The following CSMD1 variants were observed in gnomAD, a reference collection of about 807,000 sequenced individuals.
CSMD1 encodes CUB and Sushi multiple domains 1, also known as CUB and sushi domain-containing protein 1.
A neutral mutation model predicts 417.5 loss-of-function variants in CSMD1; 213 were observed. The ratio of observed to expected loss-of-function variants is 0.51; its 90% CI spans 0.46 to 0.57. CSMD1 has a LOEUF of 0.57. Among genes scored for constraint, CSMD1 ranks in the 20% least tolerant of loss-of-function variants. CSMD1 has a pLI of 0.00. For synonymous variants in CSMD1, 2,862 were observed against 1,736.8 expected (o/e 1.65, Z -16.11); for missense variants, 6,923 against 4,529.7 (o/e 1.53, Z -15.17).
chr8:3,456,653 G>C (rs910470348), intron 12 of CSMD1, among the ~76,000 whole-genome samples: 6 of 152,128 alleles, frequency 3.9e-5, no homozygotes, highest in Admixed American at 6.5e-5. Context: ...TTCAGTATCA[G>C]AGGTGGCAAT....
intron 4 of CSMD1, among the ~76,000 whole-genome samples, chr8:4,017,487 G>C (rs1183439222): frequency 6.6e-6 from 1 of 151,948 alleles, no homozygotes; most frequent in Non-Finnish European, 1.5e-5. Flanking sequence ...TGTTTTTTTA[G>C]TAGAGACGGG....
chr8:4,016,714 T>C (rs1411478348), intron 4 of CSMD1, among the ~76,000 whole-genome samples: 3 of 152,218 alleles, frequency 2.0e-5, no homozygotes, highest in Non-Finnish European at 4.4e-5. Flanking sequence ...AGTAACATGT[T>C]AGGAAGACCC....
chr8:3,512,142 T>C (rs1488951797), intron 10 of CSMD1, among the ~76,000 whole-genome samples: 3 of 152,174 alleles, frequency 2.0e-5, no homozygotes, highest in African/African-American at 4.8e-5. Context: ...ACCACGCTCA[T>C]AGCACCAAAC....
At chr8:3,932,255 C>T (rs1024934888) in intron 5 of CSMD1, among the ~76,000 whole-genome samples, 14 of 150,358 alleles carry the variant, frequency 9.3e-5, no homozygotes, top group African/African-American at 3.2e-4. Context: ...GGAAAATCGA[C>T]GAAAGTAATA....
chr8:3,255,123 T>C (rs1800554748), intron 26 of CSMD1, among the ~76,000 whole-genome samples: 1 of 152,176 alleles, frequency 6.6e-6, no homozygotes, highest in Admixed American at 6.5e-5. Context: ...TCTTGGAGTT[T>C]GCGGAGGTCC....
intron 26 of CSMD1, among the ~76,000 whole-genome samples, chr8:3,238,039 A>C (rs1461865296): frequency 6.6e-6 from 1 of 151,938 alleles, no homozygotes; most frequent in East Asian, 1.9e-4. Flanking sequence ...TTGTGTGAGC[A>C]ATAAAGCTGT....
chr8:3,655,108 A>G (rs1798036979), intron 7 of CSMD1, among the ~76,000 whole-genome samples: 2 of 152,226 alleles, frequency 1.3e-5, no homozygotes, highest in Admixed American at 6.5e-5. Flanking sequence ...AAATATGAAA[A>G]TACACATTAA....
chr8:2,996,362 T>C (rs934955722), intron 54 of CSMD1, among the ~76,000 whole-genome samples: 1 of 152,226 alleles, frequency 6.6e-6, no homozygotes, highest in African/African-American at 2.4e-5. Flanking sequence ...ATCAGCTTCT[T>C]ATCAGGATAA....
intron 1 of CSMD1, among the ~76,000 whole-genome samples, chr8:4,750,592 G>C (rs1447566466): frequency 6.6e-6 from 1 of 151,956 alleles, no homozygotes; most frequent in Non-Finnish European, 1.5e-5. Flanking sequence ...ATTCTGAGTG[G>C]TTCGTGATCC....
At chr8:4,297,768 G>A (rs747033251) in intron 3 of CSMD1, among the ~76,000 whole-genome samples, 1 of 152,144 alleles carries the variant, frequency 6.6e-6, no homozygotes, top group Non-Finnish European at 1.5e-5. Context: ...CCAACATCCT[G>A]TGAGAGGTGA....
chr8:4,644,551 C>A (rs533692385), intron 1 of CSMD1, among the ~76,000 whole-genome samples: 1 of 152,214 alleles, frequency 6.6e-6, no homozygotes, highest in East Asian at 1.9e-4. Flanking sequence ...GGATTACAGG[C>A]ACGCGCCACC....
intron 5 of CSMD1, among the ~76,000 whole-genome samples, chr8:3,929,954 A>G (rs143254919): frequency 0.01 from 1,561 of 150,392 alleles, 98 homozygotes; most frequent in African/African-American, 0.036. Flanking sequence ...CATGTGAGAC[A>G]CTGTGCACAG....
intron 2 of CSMD1, among the ~76,000 whole-genome samples, chr8:4,590,300 C>CA (rs1204052575): frequency 1.3e-4 from 20 of 152,158 alleles, no homozygotes; most frequent in African/African-American, 4.6e-4. Flanking sequence ...GGGAAGCAGA[C>CA]ATGGACTACT....
intron 41 of CSMD1, among the ~76,000 whole-genome samples, chr8:3,135,239 A>G (rs988547271): frequency 3.3e-5 from 5 of 152,208 alleles, no homozygotes; most frequent in South Asian, 4.1e-4. Context: ...AAACCAACTA[A>G]TAATACTTCT....
chr8:3,982,027 C>T (rs1361540423), intron 5 of CSMD1, among the ~76,000 whole-genome samples: 1 of 151,904 alleles, frequency 6.6e-6, no homozygotes, highest in Non-Finnish European at 1.5e-5. Context: ...AAAAATTAGC[C>T]TGGCGCGGTG....
At chr8:4,788,075 A>C (rs1797504822) in intron 1 of CSMD1, 2 of 1,600,792 alleles carry the variant, frequency 1.2e-6, no homozygotes, top group South Asian at 2.2e-5. Context: ...TTGCAGAGAA[A>C]GTAGAGTTGC....
At chr8:4,354,871 T>TGTGTGC (rs1471914067) in intron 3 of CSMD1, among the ~76,000 whole-genome samples, 1 of 128,880 alleles carries the variant, frequency 7.8e-6, no homozygotes, top group Non-Finnish European at 1.6e-5. Context: ...ATGTAGTGTG[T>TGTGTGC]GTGTGTGTGT....
intron 49 of CSMD1, among the ~76,000 whole-genome samples, chr8:3,065,517 T>C (rs1313054320): frequency 1.3e-5 from 2 of 151,902 alleles, no homozygotes; most frequent in African/African-American, 4.8e-5. Flanking sequence ...AGGAAGATGA[T>C]AGGAAGATGG....
At chr8:4,706,920 A>G (rs997989589) in intron 1 of CSMD1, among the ~76,000 whole-genome samples, 1 of 152,226 alleles carries the variant, frequency 6.6e-6, no homozygotes. Flanking sequence ...CTGATTCATG[A>G]AACTATGAGT....
Sources: allele counts gnomAD v4.1 joint callset (sites outside exome capture counted in the v4.1 genomes callset), GRCh38; gene constraint gnomAD v4.1.1; transcripts MANE v1.5; gene names NCBI Gene and HGNC (gene_info 2026-07-23, HGNC 2026-07-21).